THSD7A: variants seen among roughly 807,000 people sequenced by gnomAD.
The protein encoded by THSD7A is thrombospondin type 1 domain containing 7A, also known as thrombospondin type-1 domain-containing protein 7A.
A neutral mutation model predicts 231.3 loss-of-function variants in THSD7A; 96 were observed. The ratio of observed to expected loss-of-function variants is 0.41; its 90% confidence interval spans 0.35 to 0.49. THSD7A has a LOEUF of 0.49. Among genes scored for constraint, THSD7A ranks in the 20% least tolerant of loss-of-function variants. The pLI, the probability that THSD7A is intolerant of heterozygous loss-of-function variation, is 0.05. For synonymous variants in THSD7A, 940 were observed against 743.3 expected, an observed-to-expected ratio of 1.26 and a Z score of -4.30; for missense variants, 2,290 against 2,070.2, an observed-to-expected ratio of 1.11 and a Z score of -2.06.
At chr7:11,486,306 C>A (rs749717292) in intron 6 of THSD7A, among the ~76,000 whole-genome samples, 9 of 152,174 alleles carry the variant, frequency 5.9e-5, no homozygotes, top group Admixed American at 2.0e-4. Flanking sequence ...AACATTACTT[C>A]AGAGTATATA....
chr7:11,828,243 T>G (rs1300916556), intron 1 of THSD7A, among the ~76,000 whole-genome samples: 1 of 152,368 alleles, frequency 6.6e-6, no homozygotes, highest in East Asian at 1.9e-4. Flanking sequence ...TGGATTGGCA[T>G]GAAATCTTTT....
intron 4 of THSD7A, among the ~76,000 whole-genome samples, chr7:11,545,345 G>C (rs549819540): frequency 6.6e-6 from 1 of 151,980 alleles, no homozygotes; most frequent in South Asian, 2.1e-4. Context: ...GAAATTGTGA[G>C]GAATCTTATT....
chr7:11,604,932 G>A (rs1231183946), intron 2 of THSD7A, among the ~76,000 whole-genome samples: 1 of 151,860 alleles, frequency 6.6e-6, no homozygotes, highest in Non-Finnish European at 1.5e-5. Context: ...AAGGCCACAG[G>A]AGTAGATGAG....
At chr7:11,534,090 A>T (rs1246372675) in intron 6 of THSD7A, among the ~76,000 whole-genome samples, 1 of 152,192 alleles carries the variant, frequency 6.6e-6, no homozygotes, top group Non-Finnish European at 1.5e-5. Context: ...AACAGATGCA[A>T]ATCATGAGAT....
chr7:11,456,374 C>G (rs1785309210), intron 11 of THSD7A, among the ~76,000 whole-genome samples: 1 of 151,790 alleles, frequency 6.6e-6, no homozygotes, highest in Non-Finnish European at 1.5e-5. Flanking sequence ...TATTCCTAAC[C>G]TCCCCCAAAA....
intron 1 of THSD7A, among the ~76,000 whole-genome samples, chr7:11,819,872 T>C (rs1279430864): frequency 6.6e-6 from 1 of 152,180 alleles, no homozygotes; most frequent in African/African-American, 2.4e-5. Context: ...TGTACCACAC[T>C]AGCGCAAGAT....
intron 19 of THSD7A, among the ~76,000 whole-genome samples, chr7:11,409,547 C>G (rs904039617): frequency 6.6e-6 from 1 of 152,120 alleles, no homozygotes; most frequent in African/African-American, 2.4e-5. Flanking sequence ...CAGCTTTGTC[C>G]TTTAATCATA....
At chr7:11,677,930 A>G (rs1447936172) in intron 1 of THSD7A, among the ~76,000 whole-genome samples, 1 of 152,158 alleles carries the variant, frequency 6.6e-6, no homozygotes, top group African/African-American at 2.4e-5. Context: ...TCTAAAATCA[A>G]CCACATAATT....
intron 1 of THSD7A, among the ~76,000 whole-genome samples, chr7:11,809,541 T>C (rs1181229118): frequency 6.6e-6 from 1 of 152,202 alleles, no homozygotes; most frequent in Non-Finnish European, 1.5e-5. Flanking sequence ...AAGATTTTCA[T>C]AGCCTTATGG....
At chr7:11,606,319 T>C (rs534249138) in intron 2 of THSD7A, among the ~76,000 whole-genome samples, 3 of 152,156 alleles carry the variant, frequency 2.0e-5, no homozygotes, top group South Asian at 2.1e-4. Flanking sequence ...GGAAATCAAA[T>C]GAAAACAAGC....
intron 1 of THSD7A, among the ~76,000 whole-genome samples, chr7:11,826,639 CAGTCTGTGCTTA>C (rs1562582840): frequency 1.3e-5 from 2 of 151,932 alleles, no homozygotes; most frequent in East Asian, 3.9e-4. Context: ...TGGTGAAACC[CAGTCTGTGCTTA>C]AAATACAAAA....
At chr7:11,567,955 T>A (rs1379885281) in intron 4 of THSD7A, among the ~76,000 whole-genome samples, 1 of 152,212 alleles carries the variant, frequency 6.6e-6, no homozygotes, top group African/African-American at 2.4e-5. Flanking sequence ...TAATGAGTCC[T>A]TACATTTTAT....
chr7:11,712,087 T>C (rs921891038), intron 1 of THSD7A, among the ~76,000 whole-genome samples: 1 of 150,990 alleles, frequency 6.6e-6, no homozygotes, highest in Non-Finnish European at 1.5e-5. Flanking sequence ...ACTATGCAAA[T>C]ATGAATAGGA....
intron 6 of THSD7A, among the ~76,000 whole-genome samples, chr7:11,500,597 G>A (rs1025023804): frequency 8.6e-5 from 13 of 151,938 alleles, no homozygotes; most frequent in African/African-American, 2.9e-4. Flanking sequence ...ACACTTGTAG[G>A]CTCAAAATAA....
chr7:11,623,626 A>G (rs1466399950), intron 2 of THSD7A, among the ~76,000 whole-genome samples: 1 of 152,110 alleles, frequency 6.6e-6, no homozygotes, highest in Non-Finnish European at 1.5e-5. Flanking sequence ...GGTGGGGGTG[A>G]GTAGAGCGAA....
At chr7:11,514,500 C>G (rs1185972784) in intron 6 of THSD7A, among the ~76,000 whole-genome samples, 1 of 152,114 alleles carries the variant, frequency 6.6e-6, no homozygotes, top group East Asian at 1.9e-4. Context: ...TAGAGATTCA[C>G]TCTGGAGAGG....
At chr7:11,740,573 C>A (rs899603001) in intron 1 of THSD7A, among the ~76,000 whole-genome samples, 7 of 151,904 alleles carry the variant, frequency 4.6e-5, no homozygotes, top group African/African-American at 1.7e-4. Flanking sequence ...CACAGGTGTT[C>A]CCCTTCCTGG....
At chr7:11,524,253 C>G (rs1052952202) in intron 6 of THSD7A, among the ~76,000 whole-genome samples, 2 of 151,998 alleles carry the variant, frequency 1.3e-5, no homozygotes, top group African/African-American at 4.8e-5. Flanking sequence ...GTCCAGGGTG[C>G]CCTTAGTATT....
chr7:11,479,507 C>G (rs1786334156), intron 7 of THSD7A, among the ~76,000 whole-genome samples: 1 of 152,132 alleles, frequency 6.6e-6, no homozygotes, highest in Non-Finnish European at 1.5e-5. Flanking sequence ...AGCACTAATT[C>G]TTGAAGAATA....
Sources: gnomAD v4.1 joint callset for allele counts (sites outside exome capture counted in the v4.1 genomes callset) on GRCh38, gnomAD v4.1.1 for gene constraint, MANE v1.5 for transcripts, NCBI Gene and HGNC (gene_info 2026-07-23, HGNC 2026-07-21) for gene names.